CATSPERG: variants seen among roughly 807,000 people sequenced by gnomAD.
CATSPERG encodes the protein cation channel sperm-associated auxiliary subunit gamma.
In CATSPERG, 115 loss-of-function variants were observed where a neutral mutation model predicts 145.0. That is an observed-to-expected ratio of 0.79 (90% CI 0.68 to 0.93). The LOEUF (loss-of-function observed/expected upper bound fraction) is 0.93. Among genes scored for constraint, CATSPERG ranks in the 40% least tolerant of loss-of-function variants. The pLI, the probability that CATSPERG is intolerant of heterozygous loss-of-function variation, is 0.00. For missense variants in CATSPERG, 1,296 were observed against 1,490.1 expected, an observed-to-expected ratio of 0.87 and a Z score of 2.14; for synonymous variants, 588 against 589.0, an observed-to-expected ratio of 1.00 and a Z score of 0.02.
intron 8 of CATSPERG, 22 bp downstream of exon 8, chr19:38,352,454 C>T (rs548423597): frequency 1.3e-6 from 2 of 1,551,260 alleles, no homozygotes; most frequent in Non-Finnish European, 1.7e-6. Flanking sequence ...GTGGCTGGAC[C>T]CACGCCTGGG....
intron 21 of CATSPERG, 33 bp downstream of exon 21, chr19:38,365,004 A>T: frequency 6.2e-7 from 1 of 1,613,586 alleles, no homozygotes; most frequent in Non-Finnish European, 8.5e-7. Context: ...AGGGTGCAGG[A>T]TGGTGGGAAA....
In CATSPERG at chr19:38,370,630, C is replaced by A. The variant is rs1420852934; in HGVS notation, c.3318C>A (p.Asn1106Lys). The A allele has an allele frequency of 1.2e-6, 2 of 1,614,182 alleles. No homozygotes were observed. The highest frequency in any genetic ancestry group is 1.7e-6 in the Non-Finnish European group (2 of 1,180,042). Residue 1106 changes from asparagine to lysine, a missense_variant, in exon 29 of 29, where the codon AAC becomes AAA. Asn to Lys is a moderately conservative substitution (Grantham distance 94). Transcript: ENST00000409235. ...GCACGATGATCCGGTGGAAGATAAA[C>A]AACCTCATTGCCTCAGAATCCTACT... ...KGCTMIRWKI[N>K]NLIASESYYT...
In CATSPERG at chr19:38,341,303, CAAG is replaced by C. The variant is rs1362616365; in HGVS notation, c.325-2276_325-2274del. On this transcript the variant is annotated intron_variant, in intron 3 of 28. Transcript: ENST00000409235. ...GGGGAGCAGGGCAGGAGCAGTGAGA[CAAG>C]GAGGAGGCTGCTACATTGCCCAGGC... Among the ~76,000 whole-genome samples the C allele has an allele frequency of 1.1e-4, 17 of 152,262 alleles. 1 individual carries two copies. The East Asian group carries it at 2.7e-3, about 24-fold the overall frequency.
Position 38,362,457 on chromosome 19 carries a change from A to T in CATSPERG, c.2239A>T (p.Asn747Tyr), listed in dbSNP as rs200091564. The change falls in exon 19 of 29, where the codon AAC (asparagine) becomes TAC (tyrosine). Residue 747 changes from asparagine (N) to tyrosine (Y), a missense_variant. Asn to Tyr is a moderately radical substitution (Grantham distance 143). Transcript: ENST00000409235. ...IEMDSYEKIY[N>Y]LESAYELPER... is the part of the protein sequence containing the mutation. Reference sequence around the variant, plus strand: ...AATGGACAGCTACGAAAAGATCTACAACCTCGAGTCCGCGTACGAGCTGCC... The same window carrying T: ...AATGGACAGCTACGAAAAGATCTACTACCTCGAGTCCGCGTACGAGCTGCC... 43 of 1,613,946 alleles carry T rather than the reference A, an allele frequency of 2.7e-5. No homozygotes were observed. The East Asian group carries it at 9.6e-4, about 36-fold the overall frequency.
At chr19:38,343,753 C>A in intron 4 of CATSPERG, 29 bp downstream of exon 4, 1 of 1,541,422 alleles carries the variant, frequency 6.5e-7, no homozygotes, top group Non-Finnish European at 8.7e-7. Context: ...GGAGGGATCG[C>A]AACCTGGCAG....
intron 9 of CATSPERG, 116 bp downstream of exon 9, chr19:38,354,963 C>T: frequency 8.2e-7 from 1 of 1,220,470 alleles, no homozygotes; most frequent in Non-Finnish European, 1.1e-6. Flanking sequence ...GGCCCCTAGG[C>T]TGAGGGTGAT....
intron 7 of CATSPERG, chr19:38,348,955 C>G (rs1226181017): frequency 1.3e-5 from 2 of 152,082 alleles, no homozygotes; most frequent in Non-Finnish European, 2.9e-5. Flanking sequence ...CCACTATCTA[C>G]TTCCAAAAAA....
At chr19:38,336,487 C>A in intron 1 of CATSPERG, 1 of 254,808 alleles carries the variant, frequency 3.9e-6, no homozygotes, top group South Asian at 3.5e-5. Context: ...AAGCCCCGGG[C>A]GAGAAACGGG....
chr19:38,350,624 C>A (rs190979556), intron 7 of CATSPERG, among the ~76,000 whole-genome samples: 160 of 152,288 alleles, frequency 1.1e-3, no homozygotes, highest in Admixed American at 3.8e-3. Flanking sequence ...AGCAATCCAC[C>A]TGTCTAAGCC....
chr19:38,348,692 C>T (rs954898000), intron 7 of CATSPERG, among the ~76,000 whole-genome samples: 7 of 151,822 alleles, frequency 4.6e-5, no homozygotes, highest in Non-Finnish European at 7.4e-5. Flanking sequence ...AGGCTGGTCT[C>T]GAACTCCTGA....
chr19:38,342,603 A>C (rs1361027690), intron 3 of CATSPERG, among the ~76,000 whole-genome samples: 1 of 150,634 alleles, frequency 6.6e-6, no homozygotes, highest in African/African-American at 2.4e-5. Flanking sequence ...CCTTCTTGAA[A>C]AAAAAAAAAA....
intron 3 of CATSPERG, 42 bp from the exon 4 acceptor site, chr19:38,343,538 G>C: frequency 6.7e-7 from 1 of 1,501,930 alleles, no homozygotes; most frequent in Non-Finnish European, 8.9e-7. Context: ...GGCACCCAGA[G>C]GCTACCATAA....
At position 38,362,537 on chromosome 19, in the gene CATSPERG, G is replaced by C. The variant is rs369282386; in HGVS notation, c.2319G>C (p.Ser773=). 138 of 1,613,742 alleles carry C rather than the reference G, an allele frequency of 8.6e-5. No homozygotes were observed. The highest frequency in any genetic ancestry group is 1.1e-4 in the Non-Finnish European group (133 of 1,180,036). The change falls in exon 19 of 29, where the codon TCG becomes TCC. Residue 773 remains serine (S), a synonymous_variant. Transcript: ENST00000409235. ...AGTACAGCTTCGCCATCTTCCTGTC[G>C]GCGCAGGGCCACTCGTTCCGGACGC... ...GTEYSFAIFL[S]AQGHSFRTQS...
chr19:38,336,503 G>C lies in CATSPERG; in HGVS notation c.-15+628G>C, dbSNP rs555925110. On this transcript the variant is annotated intron_variant, in intron 1 of 28. Transcript: ENST00000409235. Reference sequence around the variant, plus strand: ...AGCCCCGGGCGAGAAACGGGGGCCCGGCCGGGAGCAAGAGCAGGGGCGGGG... The same window carrying C: ...AGCCCCGGGCGAGAAACGGGGGCCCCGCCGGGAGCAAGAGCAGGGGCGGGG... The C allele has an allele frequency of 4.0e-5, 11 of 274,836 alleles. No homozygotes were observed. The East Asian group carries it at 1.2e-3, about 30-fold the overall frequency. 17.0% of individuals were successfully genotyped at this position (274,836 alleles called of 1,614,324 possible).
At chr19:38,352,486 T>G in intron 8 of CATSPERG, 54 bp downstream of exon 8, 1 of 1,511,200 alleles carries the variant, frequency 6.6e-7, no homozygotes, top group Non-Finnish European at 9.0e-7. Flanking sequence ...GGTGAACCCC[T>G]CCACTGAAGG....
intron 8 of CATSPERG, among the ~76,000 whole-genome samples, chr19:38,353,344 A>G (rs537250307): frequency 6.6e-6 from 1 of 150,506 alleles, no homozygotes; most frequent in African/African-American, 2.4e-5. Flanking sequence ...AAAAAAAGAG[A>G]GAGGAAAAAG....
chr19:38,336,176 G>T (rs1295170472), intron 1 of CATSPERG: 1 of 456,346 alleles, frequency 2.2e-6, no homozygotes, highest in East Asian at 7.0e-5. Context: ...GGGCAAGAAG[G>T]TGTCGCGGTA....
In CATSPERG at chr19:38,370,902, GT is replaced by G; in HGVS notation, c.*113del. ...GGCCTCTCTTTCTGTTTTGCTTGAT[GT>G]TTACTTCTCGTTCAGACTCAAATAA... On this transcript the variant is annotated 3_prime_UTR_variant, in exon 29 of 29. Coordinates refer to ENST00000409235, the MANE Select transcript of CATSPERG (RefSeq NM_021185.5). The G allele has an allele frequency of 8.1e-7, 1 of 1,241,880 alleles. No homozygotes were observed. Among genetic ancestry groups the G allele is most frequent in the Non-Finnish European group, 1.1e-6 (1 of 883,388 alleles). 76.9% of individuals were successfully genotyped at this position (1,241,880 alleles called of 1,614,324 possible).
Position 38,352,194 on chromosome 19 carries a change from C to G in CATSPERG, c.826-67C>G. On this transcript the variant is annotated intron_variant, in intron 7 of 28. Transcript: ENST00000409235. ...GCAGCTGTCAGAGCAGGAGCTTCCC[C>G]GCAAGGCAGGACATGGGGGCTGAGG... 6.1e-6 allele frequency: 9 copies of G among 1,486,316 alleles called. No homozygotes were observed. The South Asian group carries it at 9.9e-5, about 16-fold the overall frequency. The allele number at this position is 1,486,316 out of a possible 1,614,324, so 92.1% of individuals were successfully genotyped here. A position where few individuals can be genotyped will look rare whatever the true frequency, so the allele number is the denominator to read the frequency against.
Sources: gnomAD v4.1 joint callset for allele counts (sites outside exome capture counted in the v4.1 genomes callset) on GRCh38, gnomAD v4.1.1 for gene constraint, MANE v1.5 for transcripts, NCBI Gene and HGNC (gene_info 2026-07-23, HGNC 2026-07-21) for gene names.